Variants in MSL3 observed in about 807,000 individuals in gnomAD.
MSL3 encodes the protein MSL complex subunit 3.
MSL3 carries 5 observed loss-of-function variants against 37.2 expected under a neutral mutation model. The observed-to-expected ratio is 0.13, with a 90% CI of 0.07 to 0.28. The LOEUF (loss-of-function observed/expected upper bound fraction) is 0.28, where lower values mean the gene tolerates loss of function less well. Ranked by LOEUF, MSL3 falls within the 10% of genes least tolerant of loss-of-function variation. The pLI is 1.00. For missense variants in MSL3, 315 were observed against 408.5 expected (o/e 0.77, Z 1.97); for synonymous variants, 149 against 147.6 (o/e 1.01, Z -0.07).
intron 1 of MSL3, 133 bp downstream of exon 1, chrX:11,758,498 G>C: frequency 3.0e-6 from 3 of 1,006,665 alleles, no homozygotes; most frequent in Non-Finnish European, 3.8e-6. Flanking sequence ...GGTGCGGCCG[G>C]CAGGGGGCGC....
intron 10 of MSL3, 134 bp from the exon 11 acceptor site, chrX:11,772,022 T>C (rs758682508): frequency 6.3e-6 from 3 of 478,855 alleles, no homozygotes; most frequent in Non-Finnish European, 7.2e-6. Flanking sequence ...TCTTTGTTTT[T>C]TGTAAGCTTG....
Position 11,760,855 on chromosome X carries a change from G to A in MSL3, c.300G>A (p.Lys100=). The A allele has an allele frequency of 8.3e-7, 1 of 1,198,251 alleles. No homozygotes were observed. Among genetic ancestry groups the A allele is most frequent in the Non-Finnish European group, 1.1e-6 (1 of 888,712 alleles). Residue 100 remains lysine, a synonymous_variant, in exon 4 of 13, where the codon AAG becomes AAA. Coordinates refer to ENST00000312196, the MANE Select transcript of MSL3 (RefSeq NM_078629.4). The part of the protein sequence containing the change: ...AVARLRSTGR[K]KKRCRLPGVD... ...TTTTCAGGAGGAGCACAGGAAGAAA[G>A]AAGAAGCGCTGCAGGTTGCCTGGTG... is the stretch of plus-strand genomic sequence containing the variant.
chrX:11,769,518 G>A (rs1203436784), intron 10 of MSL3, among the ~76,000 whole-genome samples: 1 of 112,669 alleles, frequency 8.9e-6, no homozygotes, highest in Non-Finnish European at 1.9e-5. Flanking sequence ...TTCTGTGAAC[G>A]TCTCCTAGGA....
chrX:11,759,908 G>A, intron 2 of MSL3, 33 bp downstream of exon 2: 1 of 1,199,692 alleles, frequency 8.3e-7, no homozygotes, highest in South Asian at 1.8e-5. Flanking sequence ...ACTGAAAATT[G>A]ATTGTCTTTG....
At position 11,775,174 on chromosome X, in the gene MSL3, GCGCAA is replaced by G; in HGVS notation, c.*96_*100del. The stretch of plus-strand genomic sequence containing the variant: ...ACAAGGTGGTGGGTCTTTACCCACA[GCGCAA>G]ACACAATGCCCACCTTGGGGCTCTG... On this transcript the variant is annotated 3_prime_UTR_variant, in exon 13 of 13. Coordinates refer to ENST00000312196, the MANE Select transcript of MSL3 (RefSeq NM_078629.4). 1 of 602,453 alleles carries G rather than the reference GCGCAA, an allele frequency of 1.7e-6. No individual in the cohort carries two copies. The highest frequency in any genetic ancestry group is 2.7e-6 in the Non-Finnish European group (1 of 368,864). 49.6% of individuals were successfully genotyped at this position (602,453 alleles called of 1,213,427 possible). A position where few individuals can be genotyped will look rare whatever the true frequency, so the allele number is the denominator to read the frequency against.
intron 7 of MSL3, 57 bp downstream of exon 7, chrX:11,763,054 C>A (rs2053147387): frequency 1.0e-6 from 1 of 963,570 alleles, no homozygotes; most frequent in Non-Finnish European, 1.4e-6. Flanking sequence ...GAGGTGGCTT[C>A]CATTTAGAAC....
chrX:11,767,547 G>A (rs2053195225), intron 9 of MSL3: 1 of 114,839 alleles, frequency 8.7e-6, no homozygotes, highest in African/African-American at 3.2e-5. Context: ...GGCTGAAGCT[G>A]GCGGATCGCT....
Position 11,775,110 on chromosome X carries a change from C to T in MSL3, c.*31C>T. On this transcript the variant is annotated 3_prime_UTR_variant, in exon 13 of 13. Transcript: ENST00000312196. Reference sequence around the variant, plus strand: ...TGTTGGTTCTGTAAGAGCAACTGCTCTGTCTAGTTTGGCGCTCTGGGTTCC... The same window carrying T: ...TGTTGGTTCTGTAAGAGCAACTGCTTTGTCTAGTTTGGCGCTCTGGGTTCC... The T allele has an allele frequency of 9.2e-7, 1 of 1,088,342 alleles. No homozygotes were observed. The highest frequency in any genetic ancestry group is 1.3e-6 in the Non-Finnish European group (1 of 785,125). 89.7% of individuals were successfully genotyped at this position (1,088,342 alleles called of 1,213,427 possible). A position where few individuals can be genotyped will look rare whatever the true frequency, so the allele number is the denominator to read the frequency against.
chrX:11,763,664 G>A (rs1296963967), intron 7 of MSL3, 116 bp from the exon 8 acceptor site: 2 of 518,939 alleles, frequency 3.9e-6, no homozygotes, highest in African/African-American at 4.7e-5. Flanking sequence ...GTATGTAGGT[G>A]TAGTATATAA....
At chrX:11,768,454 G>C (rs780906066) in intron 9 of MSL3, 119 bp from the exon 10 acceptor site, 11 of 474,568 alleles carry the variant, frequency 2.3e-5, no homozygotes, top group Non-Finnish European at 4.0e-5. Flanking sequence ...AAGTCTTATC[G>C]TTAAAGGTTG....
intron 3 of MSL3, 57 bp from the exon 4 acceptor site, chrX:11,760,780 C>G (rs2053124971): frequency 1.1e-6 from 1 of 926,969 alleles, no homozygotes; most frequent in Admixed American, 3.5e-5. Flanking sequence ...GTTTTGATCT[C>G]AAGACTCACG....
chrX:11,761,436 C>G lies in MSL3; in HGVS notation c.383-64C>G, dbSNP rs116035246. ...TAGCACCCACACTACACGTGAAGATCTGTAGACATAAGGGTTGGTGAAGTA... is the reference window on the plus strand; with the variant it reads ...TAGCACCCACACTACACGTGAAGATGTGTAGACATAAGGGTTGGTGAAGTA... On this transcript the variant is annotated intron_variant, in intron 4 of 12. Transcript: ENST00000312196. 8.4e-3 allele frequency: 5,941 copies of G among 704,805 alleles called. 207 individuals are homozygous for G. In the African/African-American group the frequency reaches 0.11, roughly 13 times the overall value. The allele number at this position is 704,805 out of a possible 1,213,427, so 58.1% of individuals were successfully genotyped here.
At chrX:11,761,006 A>G in intron 4 of MSL3, 69 bp downstream of exon 4, 1 of 802,817 alleles carries the variant, frequency 1.2e-6, no homozygotes, top group South Asian at 2.6e-5. Context: ...GGATTCACTG[A>G]AATTCTAGAC....
intron 5 of MSL3, 57 bp downstream of exon 5, chrX:11,761,639 T>A: frequency 1.3e-6 from 1 of 741,247 alleles, no homozygotes; most frequent in Non-Finnish European, 2.0e-6. Context: ...GTGGTAAAAA[T>A]TCACAGTGAA....
At chrX:11,772,499 A>T (rs1323394284) in intron 11 of MSL3, 122 bp from the exon 12 acceptor site, 16 of 499,188 alleles carry the variant, frequency 3.2e-5, no homozygotes, top group Non-Finnish European at 4.4e-5. Context: ...TTTGTTTGAT[A>T]ATGTGGATGT....
intron 9 of MSL3, chrX:11,766,178 A>G (rs2053181210): frequency 2.5e-6 from 2 of 790,085 alleles, no homozygotes; most frequent in Non-Finnish European, 3.0e-6. Flanking sequence ...TCAGATTTCC[A>G]TAAGCTCTTC....
chrX:11,759,350 AGG>A (rs371619058), intron 1 of MSL3, among the ~76,000 whole-genome samples: 1 of 102,455 alleles, frequency 9.8e-6, no homozygotes, highest in Non-Finnish European at 2.0e-5. Flanking sequence ...CTCGGGGCGG[AGG>A]GGGGGGGGCA....
intron 9 of MSL3, 71 bp downstream of exon 9, chrX:11,765,800 A>G (rs201837787): frequency 5.0e-5 from 59 of 1,181,661 alleles, no homozygotes; most frequent in Non-Finnish European, 6.4e-5. Context: ...AGTGCCAGGC[A>G]TGGTGCTGAG....
intron 4 of MSL3, chrX:11,761,202 C>G: frequency 5.7e-6 from 2 of 352,704 alleles, no homozygotes; most frequent in Non-Finnish European, 9.8e-6. Flanking sequence ...GGGATCTGTT[C>G]TCTTTTTGGC....
Sources: gnomAD v4.1 joint callset for allele counts (sites outside exome capture counted in the v4.1 genomes callset) on GRCh38, gnomAD v4.1.1 for gene constraint, MANE v1.5 for transcripts, NCBI Gene and HGNC (gene_info 2026-07-23, HGNC 2026-07-21) for gene names.